The following DCUN1D1 variants were observed in gnomAD, a reference collection of about 807,000 sequenced individuals.
DCUN1D1 encodes the protein defective in cullin neddylation 1 domain containing 1, also known as DCN1-like protein 1.
A neutral mutation model predicts 39.0 loss-of-function variants in DCUN1D1; 3 were observed. The ratio of observed to expected loss-of-function variants is 0.08; its 90% CI spans 0.04 to 0.20. The LOEUF (loss-of-function observed/expected upper bound fraction) is 0.20, where lower values mean the gene tolerates loss of function less well. DCUN1D1 is among the 10% of genes least tolerant of loss of function. DCUN1D1 has a pLI of 1.00. For synonymous variants in DCUN1D1, 82 were observed against 96.3 expected (o/e 0.85, Z 0.87); for missense variants, 158 against 302.4 (o/e 0.52, Z 3.54).
intron 4 of DCUN1D1, among the ~76,000 whole-genome samples, chr3:182,949,049 A>C (rs1481791661): frequency 9.3e-6 from 1 of 107,778 alleles, no homozygotes; most frequent in Non-Finnish European, 1.9e-5. Flanking sequence ...ACTCCGTCTC[A>C]AAAAAAAAAA....
chr3:182,980,496 G>T lies in DCUN1D1; in HGVS notation c.-7C>A. The stretch of plus-strand genomic sequence containing the variant: ...GGCCGCAGTGCCTCACCATGTTGGT[G>T]TCCTCCAGGCCTCTCCCCTCCTCCT... On this transcript the variant is annotated 5_prime_UTR_variant, in exon 1 of 7. Coordinates refer to ENST00000292782, the MANE Select transcript of DCUN1D1 (RefSeq NM_020640.4). 1.6e-6 allele frequency: 2 copies of T among 1,241,292 alleles called. No homozygotes were observed. Among genetic ancestry groups the T allele is most frequent in the South Asian group, 1.8e-5 (1 of 55,032 alleles). 76.9% of individuals were successfully genotyped at this position (1,241,292 alleles called of 1,614,324 possible). A position where few individuals can be genotyped will look rare whatever the true frequency, so the allele number is the denominator to read the frequency against.
At chr3:182,962,030 T>C (rs940023023) in intron 3 of DCUN1D1, among the ~76,000 whole-genome samples, 4 of 152,362 alleles carry the variant, frequency 2.6e-5, no homozygotes, top group Admixed American at 2.6e-4. Flanking sequence ...TTTTTTTCCT[T>C]CTAATCGTTT....
chr3:182,982,325 GTCAC>G (rs1320984081), upstream of DCUN1D1, among the ~76,000 whole-genome samples: 2 of 152,150 alleles, frequency 1.3e-5, no homozygotes, highest in African/African-American at 4.8e-5. Context: ...GTGTCACGCT[GTCAC>G]TCACATTCCC....
At chr3:182,962,222 G>A (rs1727434325) in intron 3 of DCUN1D1, among the ~76,000 whole-genome samples, 1 of 152,170 alleles carries the variant, frequency 6.6e-6, no homozygotes, top group South Asian at 2.1e-4. Context: ...GCAAGTTCAG[G>A]ATGGGCCTGG....
At chr3:182,980,452 G>A (rs1728485364) in intron 1 of DCUN1D1, 35 bp downstream of exon 1, 2 of 1,118,546 alleles carry the variant, frequency 1.8e-6, no homozygotes, top group Admixed American at 4.0e-5. Context: ...CCGGCCCCCA[G>A]CCGGCAGGGC....
chr3:182,947,437 C>T, intron 5 of DCUN1D1, 103 bp from the exon 6 acceptor site: 1 of 1,104,306 alleles, frequency 9.1e-7, no homozygotes, highest in Middle Eastern at 2.0e-4. Context: ...AATTATGTAA[C>T]AAAATTCTGG....
chr3:182,955,940 T>C (rs1335751133), intron 4 of DCUN1D1: 1 of 159,920 alleles, frequency 6.3e-6, no homozygotes, highest in Non-Finnish European at 1.4e-5. Flanking sequence ...TTTTTTTTTT[T>C]TTTTTTGAGG....
chr3:182,945,831 C>A (rs759637282), intron 6 of DCUN1D1, among the ~76,000 whole-genome samples: 5 of 152,098 alleles, frequency 3.3e-5, no homozygotes, highest in Non-Finnish European at 1.5e-5. Context: ...ATGCCCATCA[C>A]CAAGTCAGAA....
At chr3:182,950,156 C>CT (rs200728551) in intron 4 of DCUN1D1, among the ~76,000 whole-genome samples, 2,997 of 149,664 alleles carry the variant, frequency 0.02, 95 homozygotes, top group African/African-American at 0.068. Flanking sequence ...TATCACTTAT[C>CT]TTTTTTTTTT....
chr3:182,966,291 T>C (rs1282634693), intron 1 of DCUN1D1, among the ~76,000 whole-genome samples: 1 of 152,198 alleles, frequency 6.6e-6, no homozygotes, highest in African/African-American at 2.4e-5. Flanking sequence ...ACCTACCTTG[T>C]TTTCTTGCTG....
chr3:182,958,162 TTTAA>T (rs1041738857), intron 4 of DCUN1D1, among the ~76,000 whole-genome samples: 4 of 152,064 alleles, frequency 2.6e-5, no homozygotes, highest in Non-Finnish European at 5.9e-5. Flanking sequence ...CTGTTTCCTT[TTTAA>T]TTAAACTCTG....
In DCUN1D1 at chr3:182,947,312, G is replaced by C; in HGVS notation, c.626C>G (p.Pro209Arg). 6.2e-7 allele frequency: 1 copy of C among 1,606,450 alleles called. No individual in the cohort carries two copies. The highest frequency in any genetic ancestry group is 8.5e-7 in the Non-Finnish European group (1 of 1,176,112). ...FLLEHHKRSIPKDTWNLLLDF... is the reference protein window; with the variant it reads ...FLLEHHKRSIRKDTWNLLLDF... ...TAAAAGAAGATTCCAAGTGTCTTTT[G>C]GTATTGATCGTTTATGATGTTCCTA... Residue 209 changes from proline (P) to arginine (R), a missense_variant, in exon 6 of 7, where the codon CCA becomes CGA. By Grantham distance (103) the Pro-to-Arg change is moderately radical (BLOSUM62 -2). Around this residue, in one of 4 missense-constraint regions of DCUN1D1, gnomAD observed 25 missense variants for 26.3 expected, o/e 0.95. Transcript: ENST00000292782.
rs1728488321 is a variant in DCUN1D1, at chr3:182,980,473, C to T, written c.3+14G>A. On this transcript the variant is annotated intron_variant, in intron 1 of 6. Transcript: ENST00000292782. ...CCCAGCCGGCAGGGCGGGCGGGCGG[C>T]CGCAGTGCCTCACCATGTTGGTGTC... 8.4e-7 allele frequency: 1 copy of T among 1,192,010 alleles called. No homozygotes were observed. Among genetic ancestry groups the T allele is most frequent in the Non-Finnish European group, 1.1e-6 (1 of 947,284 alleles). 73.8% of individuals were successfully genotyped at this position (1,192,010 alleles called of 1,614,324 possible).
intron 1 of DCUN1D1, among the ~76,000 whole-genome samples, chr3:182,974,424 A>C (rs535368771): frequency 4.7e-4 from 72 of 151,994 alleles, no homozygotes; most frequent in Non-Finnish European, 8.7e-4. Flanking sequence ...ACTTTCCTTT[A>C]ACATTGTTTT....
Position 182,945,160 on chromosome 3 carries a change from A to T in DCUN1D1, c.714T>A (p.Val238=). ...CAAATTCCACAAAGTCATCAATAAG[A>T]ACAGGCCATGCTCCTGGAAAAAAGA... is the stretch of plus-strand genomic sequence containing the variant. ...SNYDEEGAWP[V]LIDDFVEFAR... Residue 238 remains valine, a synonymous_variant, in exon 7 of 7, where the codon GTT becomes GTA. Transcript: ENST00000292782. The T allele has an allele frequency of 6.2e-7, 1 of 1,612,330 alleles. No homozygotes were observed. The highest frequency in any genetic ancestry group is 8.5e-7 in the Non-Finnish European group (1 of 1,179,600).
chr3:182,955,942 T>TC (rs1295323606), intron 4 of DCUN1D1: 1 of 160,130 alleles, frequency 6.2e-6, no homozygotes, highest in Non-Finnish European at 1.4e-5. Flanking sequence ...TTTTTTTTTT[T>TC]TTTTGAGGCA....
chr3:182,974,734 GT>G, intron 1 of DCUN1D1, among the ~76,000 whole-genome samples: 1 of 149,866 alleles, frequency 6.7e-6, no homozygotes, highest in East Asian at 1.9e-4. Flanking sequence ...TTATCTCTGT[GT>G]TGAGTGATTC....
intron 4 of DCUN1D1, chr3:182,956,283 G>T: frequency 3.6e-6 from 1 of 279,256 alleles, no homozygotes; most frequent in Non-Finnish European, 7.3e-6. Context: ...CTGGAATGAG[G>T]CACGTTGCCT....
chr3:182,980,456 G>GCC (rs1225820100), intron 1 of DCUN1D1, 31 bp downstream of exon 1: 1 of 1,134,646 alleles, frequency 8.8e-7, no homozygotes, highest in Non-Finnish European at 1.1e-6. Flanking sequence ...CCCCCAGCCG[G>GCC]CAGGGCGGGC....
Sources: gnomAD v4.1 joint callset for allele counts (sites outside exome capture counted in the v4.1 genomes callset) on GRCh38, gnomAD v4.1.1 for gene constraint, gnomAD v4.1.1 regional missense constraint, MANE v1.5 for transcripts, NCBI Gene and HGNC (gene_info 2026-07-23, HGNC 2026-07-21) for gene names.